Variants in AGBL4 observed in about 807,000 individuals in gnomAD.
The protein encoded by AGBL4 is AGBL carboxypeptidase 4.
AGBL4 carries 58 observed loss-of-function variants against 66.4 expected under a neutral mutation model. The observed-to-expected ratio is 0.87, with a 90% CI of 0.71 to 1.09. AGBL4 has a LOEUF of 1.09. Among genes scored for constraint, AGBL4 ranks in the 50% least tolerant of loss-of-function variants. The pLI is 0.00. For missense variants in AGBL4, 579 were observed against 631.0 expected (o/e 0.92, Z 0.88); for synonymous variants, 234 against 222.9 (o/e 1.05, Z -0.44).
intron 5 of AGBL4, among the ~76,000 whole-genome samples, chr1:48,869,805 C>T (rs1055474396): frequency 5.3e-5 from 8 of 152,168 alleles, no homozygotes; most frequent in Non-Finnish European, 1.0e-4. Context: ...AAAGGGACCA[C>T]ATTTTCAACT....
intron 6 of AGBL4, chr1:48,761,527 G>T (rs1386816499): frequency 1.3e-6 from 2 of 1,496,768 alleles, no homozygotes; most frequent in Non-Finnish European, 1.8e-6. Flanking sequence ...GTCATTATGA[G>T]TTTAGAATGC....
intron 5 of AGBL4, among the ~76,000 whole-genome samples, chr1:49,016,443 C>A (rs979766723): frequency 6.6e-6 from 1 of 152,166 alleles, no homozygotes; most frequent in Non-Finnish European, 1.5e-5. Flanking sequence ...ATCAAAGGCC[C>A]TGGGAAGGCA....
chr1:49,701,993 A>T (rs1414256482), intron 2 of AGBL4, among the ~76,000 whole-genome samples: 1 of 152,176 alleles, frequency 6.6e-6, no homozygotes, highest in Non-Finnish European at 1.5e-5. Flanking sequence ...TTCCACCAAG[A>T]ACATATAAAA....
intron 1 of AGBL4, among the ~76,000 whole-genome samples, chr1:49,878,773 C>A (rs1305236256): frequency 6.9e-6 from 1 of 145,710 alleles, no homozygotes; most frequent in Non-Finnish European, 1.5e-5. Context: ...TAAAGTCTCC[C>A]ATTATTAATG....
intron 1 of AGBL4, among the ~76,000 whole-genome samples, chr1:50,005,671 G>T (rs1017556803): frequency 1.3e-5 from 2 of 152,166 alleles, no homozygotes; most frequent in Non-Finnish European, 2.9e-5. Context: ...AGTCACCAGT[G>T]ACCAATTCTG....
intron 11 of AGBL4, among the ~76,000 whole-genome samples, chr1:48,561,208 T>A (rs55663552): frequency 0.19 from 28,604 of 152,246 alleles, 3,335 homozygotes; most frequent in Non-Finnish European, 0.27. Context: ...TAGCTTTTTT[T>A]AAAGCTTCTT....
At chr1:49,028,123 C>A (rs1229236043) in intron 5 of AGBL4, among the ~76,000 whole-genome samples, 1 of 152,102 alleles carries the variant, frequency 6.6e-6, no homozygotes, top group Non-Finnish European at 1.5e-5. Context: ...CCTAGTGTGG[C>A]AAGCAAATAA....
rs376366960 is a variant in AGBL4 at position 49,921,309 on chromosome 1, GA to G, written c.35-69792del. Among the ~76,000 whole-genome samples, 62 of 151,340 alleles carry G rather than the reference GA, an allele frequency of 4.1e-4. 1 individual carries two copies. The South Asian group carries it at 9.6e-3, about 23-fold the overall frequency. ...TTAAACAAATTAAAAAAGGGTCTTA[GA>G]AAAAAAATTGTCTTCAATATCCTAA... is the stretch of plus-strand genomic sequence containing the variant. On this transcript the variant is annotated intron_variant, in intron 1 of 13. Transcript: ENST00000371839.
intron 3 of AGBL4, among the ~76,000 whole-genome samples, chr1:49,350,765 T>A (rs1371603795): frequency 1.3e-5 from 2 of 151,242 alleles, no homozygotes; most frequent in African/African-American, 4.9e-5. Context: ...CCTCCTAACC[T>A]TCCCCCCAAC....
chr1:49,040,475 A>C (rs1413749444), intron 5 of AGBL4, among the ~76,000 whole-genome samples: 1 of 152,086 alleles, frequency 6.6e-6, no homozygotes, highest in Non-Finnish European at 1.5e-5. Flanking sequence ...AAATGTATTC[A>C]TATGTCCACT....
At chr1:48,943,412 A>C (rs895036727) in intron 5 of AGBL4, among the ~76,000 whole-genome samples, 1 of 152,232 alleles carries the variant, frequency 6.6e-6, no homozygotes, top group Non-Finnish European at 1.5e-5. Context: ...TGGTGGGTAC[A>C]TACAAAGGTT....
intron 3 of AGBL4, among the ~76,000 whole-genome samples, chr1:49,547,919 G>A (rs781135036): frequency 9.2e-5 from 14 of 151,846 alleles, no homozygotes; most frequent in East Asian, 3.9e-4. Flanking sequence ...GATTACAGGC[G>A]TGCACCACCA....
Position 49,476,731 on chromosome 1 carries a change from G to A in AGBL4, c.282+220582C>T, listed in dbSNP as rs769837269. Among the ~76,000 whole-genome samples the A allele has an allele frequency of 2.0e-5, 3 of 151,966 alleles. No homozygotes were observed. The South Asian group carries it at 6.2e-4, about 32-fold the overall frequency. On this transcript the variant is annotated intron_variant, in intron 3 of 13. Transcript: ENST00000371839. ...ATGTAATATAAGAATAGTGATCTCT[G>A]CTATTTTTTGTTTTAAATTTGTGTG...
At chr1:49,497,076 G>A (rs1647661931) in intron 3 of AGBL4, among the ~76,000 whole-genome samples, 1 of 151,950 alleles carries the variant, frequency 6.6e-6, no homozygotes, top group Non-Finnish European at 1.5e-5. Flanking sequence ...TCCAACAGGT[G>A]TAAGGTGATA....
rs57683318 is a variant in AGBL4, at chr1:48,588,656, A to AGTGTGTGT, written c.1105-1498_1105-1491dup. 6.7e-3 allele frequency among the ~76,000 whole-genome samples: 986 copies of AGTGTGTGT among 147,606 alleles called. 8 individuals are homozygous for AGTGTGTGT. The highest frequency in any genetic ancestry group is 8.8e-3 in the South Asian group (40 of 4,536). ...AGAAAGACTGTGAAAGAAACAGAGAAGTGTGTGTGTGTGTGTGTGTGTGTG... is the reference window on the plus strand; with the variant it reads ...AGAAAGACTGTGAAAGAAACAGAGAAGTGTGTGTGTGTGTGTGTGTGTGTGTGTGTGTG... On this transcript the variant is annotated intron_variant, in intron 10 of 13. Coordinates refer to ENST00000371839, the MANE Select transcript of AGBL4 (RefSeq NM_032785.4).
chr1:49,080,097 T>G (rs2147954306), intron 4 of AGBL4, among the ~76,000 whole-genome samples: 1 of 152,314 alleles, frequency 6.6e-6, no homozygotes, highest in East Asian at 1.9e-4. Context: ...ATGATAGGAC[T>G]TGCCTAAATC....
chr1:49,372,631 C>CTTTCTTTCTTT (rs1557878452), intron 3 of AGBL4, among the ~76,000 whole-genome samples: 31 of 125,498 alleles, frequency 2.5e-4, no homozygotes, highest in Non-Finnish European at 4.2e-4. Flanking sequence ...TTCTTTCTTT[C>CTTTCTTTCTTT]TTTCTTTCTT....
At chr1:49,304,072 G>A (rs1226350503) in intron 3 of AGBL4, among the ~76,000 whole-genome samples, 1 of 152,132 alleles carries the variant, frequency 6.6e-6, no homozygotes, top group East Asian at 1.9e-4. Flanking sequence ...GTCCTGCATG[G>A]TATTGCCTAG....
chr1:49,791,030 T>A (rs12076547), intron 2 of AGBL4, among the ~76,000 whole-genome samples: 1 of 152,124 alleles, frequency 6.6e-6, no homozygotes, highest in East Asian at 1.9e-4. Flanking sequence ...TAGACTGTTA[T>A]AAGGTTTTTA....
Sources: gnomAD v4.1 joint callset for allele counts (sites outside exome capture counted in the v4.1 genomes callset) on GRCh38, gnomAD v4.1.1 for gene constraint, MANE v1.5 for transcripts, NCBI Gene and HGNC (gene_info 2026-07-23, HGNC 2026-07-21) for gene names.